LMTK2: variants seen among roughly 807,000 people sequenced by gnomAD.
The protein encoded by LMTK2 is serine/threonine-protein kinase LMTK2.
In LMTK2, 37 loss-of-function variants were observed where a neutral mutation model predicts 127.5. The observed-to-expected ratio is 0.29, with a 90% CI of 0.22 to 0.38. LMTK2 has a LOEUF of 0.38. Ranked by LOEUF, LMTK2 falls within the 10% of genes least tolerant of loss-of-function variation. LMTK2 has a pLI of 1.00. For synonymous variants in LMTK2, 819 were observed against 810.1 expected (o/e 1.01, Z -0.19); for missense variants, 1,694 against 1,920.3 (o/e 0.88, Z 2.20).
At chr7:98,146,553 T>G (rs1185433431) in intron 3 of LMTK2, among the ~76,000 whole-genome samples, 1 of 152,212 alleles carries the variant, frequency 6.6e-6, no homozygotes, top group Non-Finnish European at 1.5e-5. Context: ...AATGTTTTCT[T>G]AGTGATTATA....
At chr7:98,113,975 C>A (rs148565221) in intron 1 of LMTK2, among the ~76,000 whole-genome samples, 80 of 151,422 alleles carry the variant, frequency 5.3e-4, no homozygotes, top group African/African-American at 1.7e-3. Context: ...GCAGTGATTC[C>A]AAATGTCATT....
At chr7:98,130,622 A>G (rs1183859900) in intron 1 of LMTK2, among the ~76,000 whole-genome samples, 1 of 152,168 alleles carries the variant, frequency 6.6e-6, no homozygotes, top group Non-Finnish European at 1.5e-5. Flanking sequence ...GGCCTAATCC[A>G]GTGTGACTGC....
At chr7:98,132,803 A>T (rs187510222) in intron 1 of LMTK2, among the ~76,000 whole-genome samples, 1 of 152,242 alleles carries the variant, frequency 6.6e-6, no homozygotes, top group Admixed American at 6.5e-5. Context: ...ATTGAATCCC[A>T]AAATGGCTTC....
At chr7:98,118,470 T>C (rs901458160) in intron 1 of LMTK2, among the ~76,000 whole-genome samples, 2 of 152,210 alleles carry the variant, frequency 1.3e-5, no homozygotes, top group Non-Finnish European at 2.9e-5. Flanking sequence ...GCGAGTCTCT[T>C]GAAGAGCATG....
intron 3 of LMTK2, 57 bp downstream of exon 3, chr7:98,141,598 TG>T (rs1796701307): frequency 6.6e-7 from 1 of 1,518,478 alleles, no homozygotes; most frequent in African/African-American, 1.4e-5. Context: ...GATCTGAGAA[TG>T]GGAGCCTAGC....
chr7:98,179,337 C>T (rs1053290708), intron 7 of LMTK2, among the ~76,000 whole-genome samples: 8 of 152,184 alleles, frequency 5.3e-5, no homozygotes, highest in East Asian at 1.9e-4. Context: ...TAGCAGGATG[C>T]GTGCTTGCCC....
chr7:98,127,748 G>A (rs770849481), intron 1 of LMTK2, among the ~76,000 whole-genome samples: 66 of 152,300 alleles, frequency 4.3e-4, no homozygotes, highest in South Asian at 8.3e-4. Flanking sequence ...CTGAGGTGAC[G>A]GACACCCCAA....
chr7:98,198,746 G>A (rs894473643), intron 11 of LMTK2, among the ~76,000 whole-genome samples: 9 of 152,082 alleles, frequency 5.9e-5, no homozygotes, highest in Non-Finnish European at 1.0e-4. Flanking sequence ...TTCCCGAAGT[G>A]CTGGGATTAT....
Position 98,193,817 on chromosome 7 carries a change from G to A in LMTK2, c.3352G>A (p.Glu1118Lys), listed in dbSNP as rs1199825364. The A allele has an allele frequency of 3.7e-6, 6 of 1,614,014 alleles. No individual in the cohort carries two copies. The highest frequency in any genetic ancestry group is 1.1e-5 in the South Asian group (1 of 91,056). The part of the protein sequence containing the change: ...DNDSEPEKRS[E>K]EVPGTSPSAL... The stretch of plus-strand genomic sequence containing the variant: ...TGACTCTGAGCCCGAGAAAAGGTCT[G>A]AGGAGGTCCCGGGAACCTCCCCATC... Residue 1118 changes from glutamate to lysine, a missense_variant, in exon 11 of 14, where the codon GAG becomes AAG. Transcript: ENST00000297293. The surrounding 1 kb of genome is among the most constrained non-coding windows in gnomAD (Gnocchi z 4.1).
At chr7:98,122,736 A>C (rs1796383539) in intron 1 of LMTK2, among the ~76,000 whole-genome samples, 2 of 118,632 alleles carry the variant, frequency 1.7e-5, no homozygotes, top group Non-Finnish European at 1.8e-5. Flanking sequence ...GTATATATAT[A>C]ACTGGATCTC....
At chr7:98,108,626 C>T (rs997543649) in intron 1 of LMTK2, among the ~76,000 whole-genome samples, 2 of 151,956 alleles carry the variant, frequency 1.3e-5, no homozygotes, top group African/African-American at 4.8e-5. Context: ...TAGGCAACCC[C>T]GGAAAGAGTC....
At chr7:98,183,639 C>T (rs1281987016) in intron 7 of LMTK2, among the ~76,000 whole-genome samples, 1 of 152,148 alleles carries the variant, frequency 6.6e-6, no homozygotes, top group East Asian at 1.9e-4. Context: ...TTCCACCTGC[C>T]TCAGCCTCCC....
Position 98,159,322 on chromosome 7 carries a change from C to T in LMTK2, c.570-16C>T. 6.4e-7 allele frequency: 1 copy of T among 1,555,996 alleles called. No individual in the cohort carries two copies. Among genetic ancestry groups the T allele is most frequent in the Non-Finnish European group, 8.8e-7 (1 of 1,139,212 alleles). The stretch of plus-strand genomic sequence containing the variant: ...TGCTTCCTGATGAACAATATTATGG[C>T]TTTTATTTTTCCCAGCATTCTTCAG... On this transcript the variant is annotated splice_polypyrimidine_tract_variant and intron_variant, in intron 5 of 13. Transcript: ENST00000297293.
At chr7:98,157,001 C>T (rs1285560213) in intron 5 of LMTK2, among the ~76,000 whole-genome samples, 1 of 152,136 alleles carries the variant, frequency 6.6e-6, no homozygotes, top group East Asian at 1.9e-4. Flanking sequence ...TAATCCTAGC[C>T]TTTTGAGAAG....
rs1274286277 is a variant in LMTK2, at chr7:98,171,252, A to G, written c.658-289A>G. On this transcript the variant is annotated intron_variant, in intron 6 of 13. Coordinates refer to ENST00000297293, the MANE Select transcript of LMTK2 (RefSeq NM_014916.4). The surrounding 1 kb of genome is among the most constrained non-coding windows in gnomAD (Gnocchi z 5.1). ...TCCTAGGTAACCTGGGAGTTTCTCT[A>G]ATTCTACACAGCATTTAGTTTAAAT... Among the ~76,000 whole-genome samples, 2 of 152,024 alleles carry G rather than the reference A, an allele frequency of 1.3e-5. No individual in the cohort carries two copies. Among genetic ancestry groups the G allele is most frequent in the Admixed American group, 1.3e-4 (2 of 15,250 alleles).
chr7:98,134,802 C>T (rs2116354685), intron 1 of LMTK2, among the ~76,000 whole-genome samples: 1 of 152,338 alleles, frequency 6.6e-6, no homozygotes, highest in African/African-American at 2.4e-5. Flanking sequence ...TCAAGCTCCT[C>T]ACTTAGTTTA....
At chr7:98,153,323 C>G (rs1208216254) in intron 4 of LMTK2, among the ~76,000 whole-genome samples, 1 of 152,092 alleles carries the variant, frequency 6.6e-6, no homozygotes, top group Middle Eastern at 3.2e-3. Context: ...CAGGGAGAAG[C>G]AGTGAGGAGG....
In LMTK2 at chr7:98,203,702, A is replaced by C. The variant is rs1797743509; in HGVS notation, c.4236A>C (p.Glu1412Asp). 1 of 1,613,454 alleles carries C rather than the reference A, an allele frequency of 6.2e-7. No individual in the cohort carries two copies. Among genetic ancestry groups the C allele is most frequent in the Non-Finnish European group, 8.5e-7 (1 of 1,179,924 alleles). Reference sequence around the variant, plus strand: ...TCAACTCCGAAAGCTCCACCGACGAAGAAGGTATTTCACGTCATTGTCTAG... The same window carrying C: ...TCAACTCCGAAAGCTCCACCGACGACGAAGGTATTTCACGTCATTGTCTAG... ...RCINSESSTD[E>D]EGGGFEWDDD... The change falls in exon 12 of 14, where the codon GAA becomes GAC. Residue 1412 changes from glutamate (E) to aspartate (D), a missense_variant. By Grantham distance (45) the Glu-to-Asp change is conservative (BLOSUM62 2). Around this residue, in one of 8 missense-constraint regions of LMTK2, gnomAD observed 554 missense variants for 567.7 expected, o/e 0.98. Transcript: ENST00000297293.
chr7:98,159,287 G>A, intron 5 of LMTK2, 51 bp from the exon 6 acceptor site: 1 of 1,200,784 alleles, frequency 8.3e-7, no homozygotes, highest in Non-Finnish European at 1.2e-6. Context: ...TTTGAATAAT[G>A]TTATTATCAT....
Sources: gnomAD v4.1 joint callset for allele counts (sites outside exome capture counted in the v4.1 genomes callset) on GRCh38, gnomAD v4.1.1 for gene constraint, gnomAD v4.1.1 regional missense constraint, Gnocchi (gnomAD v3.1) non-coding constraint, MANE v1.5 for transcripts, NCBI Gene and HGNC (gene_info 2026-07-23, HGNC 2026-07-21) for gene names.